CTNNA2: variants seen among roughly 807,000 people sequenced by gnomAD.
CTNNA2 encodes catenin alpha-2.
A neutral mutation model predicts 101.0 loss-of-function variants in CTNNA2; 42 were observed. That is an observed-to-expected ratio of 0.42 (90% CI 0.32 to 0.54). CTNNA2 has a LOEUF of 0.54. Among genes scored for constraint, CTNNA2 ranks in the 20% least tolerant of loss-of-function variants. CTNNA2 has a pLI of 0.14. For synonymous variants in CTNNA2, 450 were observed against 456.4 expected, an observed-to-expected ratio of 0.99 and a Z score of 0.18; for missense variants, 871 against 1,223.1, an observed-to-expected ratio of 0.71 and a Z score of 4.29.
At chr2:79,549,642 TA>T (rs969444203) in intron 1 of CTNNA2, among the ~76,000 whole-genome samples, 65 of 152,102 alleles carry the variant, frequency 4.3e-4, no homozygotes, top group Admixed American at 3.5e-3. Flanking sequence ...TTTGTCATAA[TA>T]AAAAAAATAC....
At chr2:80,558,462 A>G (rs1975215) in intron 12 of CTNNA2, among the ~76,000 whole-genome samples, 6,963 of 35,590 alleles carry the variant, frequency 0.2, 420 homozygotes, top group East Asian at 0.32. Flanking sequence ...GTGTGTGTAT[A>G]TATGTGTGTG....
At chr2:80,314,205 A>G (rs1229922622) in intron 7 of CTNNA2, among the ~76,000 whole-genome samples, 1 of 152,228 alleles carries the variant, frequency 6.6e-6, no homozygotes. Context: ...ACAGTCCAGT[A>G]AGGTAATATC....
chr2:79,450,096 A>T (rs1329128246), intron 4 of CTNNA2, among the ~76,000 whole-genome samples: 2 of 151,908 alleles, frequency 1.3e-5, no homozygotes, highest in African/African-American at 4.8e-5. Context: ...TTCCAGAATG[A>T]TAAGGTCTCA....
intron 1 of CTNNA2, among the ~76,000 whole-genome samples, chr2:79,517,164 C>A (rs969892619): frequency 6.6e-6 from 1 of 152,044 alleles, no homozygotes; most frequent in African/African-American, 2.4e-5. Context: ...TGTTGGCATA[C>A]CTTTGTTTTT....
chr2:80,335,700 T>G (rs1285713258), intron 7 of CTNNA2, among the ~76,000 whole-genome samples: 1 of 152,210 alleles, frequency 6.6e-6, no homozygotes, highest in East Asian at 1.9e-4. Context: ...TTCCAATTGG[T>G]AAAATGTTGA....
chr2:79,212,811 G>C (rs972036407), intron 2 of CTNNA2, among the ~76,000 whole-genome samples: 1 of 152,174 alleles, frequency 6.6e-6, no homozygotes, highest in African/African-American at 2.4e-5. Flanking sequence ...AAGCTAATTT[G>C]CCAGTCCTGG....
chr2:79,581,154 T>C (rs899542689), intron 1 of CTNNA2, among the ~76,000 whole-genome samples: 2 of 152,232 alleles, frequency 1.3e-5, no homozygotes, highest in Non-Finnish European at 2.9e-5. Context: ...TTGGAGCATG[T>C]CACTCAGAGA....
At chr2:80,424,941 C>A (rs546635743) in intron 9 of CTNNA2, among the ~76,000 whole-genome samples, 1 of 152,292 alleles carries the variant, frequency 6.6e-6, no homozygotes, top group East Asian at 1.9e-4. Flanking sequence ...GCTGCCTCAG[C>A]GGGGCTGTGC....
At chr2:79,909,085 G>A (rs762055682) in intron 6 of CTNNA2, among the ~76,000 whole-genome samples, 1 of 152,182 alleles carries the variant, frequency 6.6e-6, no homozygotes, top group Non-Finnish European at 1.5e-5. Context: ...AACCTGTACT[G>A]AATATGCCTG....
chr2:80,352,959 G>T (rs1673445957), intron 7 of CTNNA2, among the ~76,000 whole-genome samples: 1 of 151,904 alleles, frequency 6.6e-6, no homozygotes, highest in Admixed American at 6.6e-5. Context: ...GTTTCTTCTG[G>T]GGAAGTAGGT....
chr2:80,276,176 C>T (rs1434354560), intron 7 of CTNNA2, among the ~76,000 whole-genome samples: 1 of 152,170 alleles, frequency 6.6e-6, no homozygotes, highest in East Asian at 1.9e-4. Context: ...TGACATCAGT[C>T]ATTCCATATG....
chr2:79,190,448 A>T (rs1319029942), intron 1 of CTNNA2, among the ~76,000 whole-genome samples: 1 of 152,014 alleles, frequency 6.6e-6, no homozygotes, highest in Non-Finnish European at 1.5e-5. Flanking sequence ...CTTGGATTTC[A>T]TTCCTCTCTT....
At chr2:79,423,158 A>G (rs1558663437) in intron 4 of CTNNA2, among the ~76,000 whole-genome samples, 3 of 152,162 alleles carry the variant, frequency 2.0e-5, no homozygotes, top group Admixed American at 1.3e-4. Context: ...ACTCTTTCTG[A>G]GACCCCAGGA....
chr2:79,829,912 G>A (rs998587563), intron 3 of CTNNA2, among the ~76,000 whole-genome samples: 14 of 151,834 alleles, frequency 9.2e-5, no homozygotes, highest in African/African-American at 3.1e-4. Flanking sequence ...TAGTAGAGAT[G>A]GGGTTTCAAA....
intron 1 of CTNNA2, among the ~76,000 whole-genome samples, chr2:79,529,427 A>G (rs1180313037): frequency 2.0e-5 from 3 of 152,172 alleles, no homozygotes; most frequent in Non-Finnish European, 4.4e-5. Flanking sequence ...CAAGTCTTCA[A>G]TAGACATTTA....
At chr2:79,801,415 T>A (rs1676146290) in intron 3 of CTNNA2, among the ~76,000 whole-genome samples, 1 of 152,200 alleles carries the variant, frequency 6.6e-6, no homozygotes, top group Non-Finnish European at 1.5e-5. Context: ...GCTAATTAAA[T>A]GCTCTTTAGA....
chr2:80,078,853 C>T lies in CTNNA2; in HGVS notation c.1056+169056C>T, dbSNP rs1272589442. The stretch of plus-strand genomic sequence containing the variant: ...TCTCCAGGCATGTCTTATTCTCCCT[C>T]CCTTTTATCTTGTCCTGAACACAGG... On this transcript the variant is annotated intron_variant, in intron 7 of 18. Coordinates refer to ENST00000402739, the MANE Select transcript of CTNNA2 (RefSeq NM_001282597.3). Among the ~76,000 whole-genome samples, 5 of 152,278 alleles carry T rather than the reference C, an allele frequency of 3.3e-5. No homozygotes were observed. The South Asian group carries it at 8.3e-4, about 25-fold the overall frequency.
chr2:80,633,849 T>C (rs200072409), intron 18 of CTNNA2, among the ~76,000 whole-genome samples: 1 of 152,182 alleles, frequency 6.6e-6, no homozygotes, highest in African/African-American at 2.4e-5. Flanking sequence ...ATTGTGGCTG[T>C]CTTTTGAGCA....
At chr2:79,432,445 A>G (rs563762057) in intron 4 of CTNNA2, among the ~76,000 whole-genome samples, 1 of 152,174 alleles carries the variant, frequency 6.6e-6, no homozygotes, top group Non-Finnish European at 1.5e-5. Context: ...GTTATTTGTA[A>G]TTATCTAGAT....
Sources: allele counts gnomAD v4.1 joint callset (sites outside exome capture counted in the v4.1 genomes callset), GRCh38; gene constraint gnomAD v4.1.1; transcripts MANE v1.5; gene names NCBI Gene and HGNC (gene_info 2026-07-23, HGNC 2026-07-21).